NT5C3A: variants seen among roughly 807,000 people sequenced by gnomAD.
NT5C3A encodes the protein 5'-nucleotidase, cytosolic IIIA, also known as cytosolic 5'-nucleotidase 3A.
In NT5C3A, 23 loss-of-function variants were observed where a neutral mutation model predicts 40.0. The observed-to-expected ratio is 0.58, with a 90% CI of 0.41 to 0.81. The LOEUF is 0.81. Ranked by LOEUF, NT5C3A falls within the 40% of genes least tolerant of loss-of-function variation. The pLI, the probability that NT5C3A is intolerant of heterozygous loss-of-function variation, is 0.00. For synonymous variants in NT5C3A, 130 were observed against 141.4 expected, an observed-to-expected ratio of 0.92 and a Z score of 0.57; for missense variants, 328 against 403.0, an observed-to-expected ratio of 0.81 and a Z score of 1.59.
At chr7:33,038,767 TAAACC>T (rs1786741979) in intron 1 of NT5C3A, 2 of 437,506 alleles carry the variant, frequency 4.6e-6, no homozygotes, top group Non-Finnish European at 9.1e-6. Context: ...AGAGTATTTT[TAAACC>T]AATAGGCTTG....
intron 1 of NT5C3A, among the ~76,000 whole-genome samples, chr7:33,061,494 T>C (rs556720435): frequency 6.6e-6 from 1 of 152,226 alleles, no homozygotes; most frequent in African/African-American, 2.4e-5. Context: ...ACTCCAGTGA[T>C]CTTCCTCTCA....
intron 5 of NT5C3A, 89 bp downstream of exon 5, chr7:33,021,183 A>G (rs1562587561): frequency 6.4e-7 from 1 of 1,554,884 alleles, no homozygotes; most frequent in Non-Finnish European, 8.8e-7. Context: ...GTTTGTTTGC[A>G]ATACAGGTAA....
intron 6 of NT5C3A, among the ~76,000 whole-genome samples, chr7:33,019,022 C>T (rs1785489246): frequency 6.6e-6 from 1 of 152,096 alleles, no homozygotes; most frequent in Non-Finnish European, 1.5e-5. Flanking sequence ...ATAATCCCAG[C>T]ACTTTGGGAT....
chr7:33,046,634 A>G (rs1048008620), intron 1 of NT5C3A, among the ~76,000 whole-genome samples: 3 of 152,192 alleles, frequency 2.0e-5, no homozygotes, highest in Admixed American at 1.3e-4. Context: ...TTCTTACTTA[A>G]AAAGCATTAA....
chr7:33,060,526 C>T (rs926353292), intron 1 of NT5C3A, among the ~76,000 whole-genome samples: 2 of 152,136 alleles, frequency 1.3e-5, no homozygotes, highest in Non-Finnish European at 2.9e-5. Flanking sequence ...CTGTAGCATA[C>T]ACAACCCACT....
rs754132712 is a variant in NT5C3A, at chr7:33,046,688, T to C, written c.138+15880A>G. On this transcript the variant is annotated intron_variant, in intron 1 of 8. Coordinates refer to ENST00000610140, the MANE Select transcript of NT5C3A (RefSeq NM_001002010.5). ...AGCAGAAATGACACTGATGTTACAA[T>C]AGGTAGGTCAGGTTCAAGAAAATAG... Among the ~76,000 whole-genome samples, 226 of 152,256 alleles carry C rather than the reference T, an allele frequency of 1.5e-3. 2 individuals carry two copies. The highest frequency in any genetic ancestry group is 2.5e-4 in the Non-Finnish European group (17 of 68,006).
At chr7:33,046,865 G>A (rs1310617953) in intron 1 of NT5C3A, among the ~76,000 whole-genome samples, 2 of 150,782 alleles carry the variant, frequency 1.3e-5, no homozygotes, top group African/African-American at 4.9e-5. Flanking sequence ...GTGCAGTGGT[G>A]CAATCTTGGC....
intron 1 of NT5C3A, among the ~76,000 whole-genome samples, chr7:33,057,726 C>T (rs1470847044): frequency 6.6e-6 from 1 of 152,076 alleles, no homozygotes; most frequent in Non-Finnish European, 1.5e-5. Flanking sequence ...CCCTATCCCC[C>T]ACATCAGCTA....
chr7:33,046,475 G>A (rs559673047), intron 1 of NT5C3A, among the ~76,000 whole-genome samples: 4 of 152,074 alleles, frequency 2.6e-5, no homozygotes, highest in South Asian at 4.2e-4. Flanking sequence ...GAAGGTAGAG[G>A]CTGCAGTACA....
intron 1 of NT5C3A, among the ~76,000 whole-genome samples, chr7:33,028,994 G>GA (rs1276293305): frequency 2.0e-3 from 291 of 146,098 alleles, no homozygotes; most frequent in Admixed American, 5.3e-3. Flanking sequence ...GGCAGAGCTT[G>GA]AAAAAAAAAA....
chr7:33,035,521 C>T (rs1025936976), intron 1 of NT5C3A, among the ~76,000 whole-genome samples: 1 of 152,150 alleles, frequency 6.6e-6, no homozygotes, highest in Non-Finnish European at 1.5e-5. Context: ...ACTCCAAAGC[C>T]TGTACATTTC....
At chr7:33,037,842 C>T (rs1249279712) in intron 1 of NT5C3A, among the ~76,000 whole-genome samples, 6 of 152,040 alleles carry the variant, frequency 3.9e-5, no homozygotes, top group African/African-American at 9.7e-5. Context: ...TACACACATA[C>T]ACTATATAAC....
At chr7:33,037,462 A>G (rs572076020) in intron 1 of NT5C3A, among the ~76,000 whole-genome samples, 43 of 152,350 alleles carry the variant, frequency 2.8e-4, no homozygotes, top group African/African-American at 9.6e-4. Flanking sequence ...GAAAGCGAGA[A>G]CATATCTGAC....
intron 1 of NT5C3A, among the ~76,000 whole-genome samples, chr7:33,044,386 TA>T (rs1011060880): frequency 4.2e-5 from 3 of 71,784 alleles, no homozygotes; most frequent in African/African-American, 6.3e-5. Flanking sequence ...CTAGGGCACT[TA>T]AAAAAATTTT....
Position 33,021,313 on chromosome 7 carries a change from A to G in NT5C3A, c.399T>C (p.Pro133=), listed in dbSNP as rs1348740973. 1 of 1,612,302 alleles carries G rather than the reference A, an allele frequency of 6.2e-7. No homozygotes were observed. The highest frequency in any genetic ancestry group is 8.5e-7 in the Non-Finnish European group (1 of 1,178,824). ...KEKYYAIEVD[P]VLTVEEKYPY... ...GGTACTTCTCTTCTACAGTAAGAAC[A>G]GGATCAACTTCAATAGCGTAATATT... The change falls in exon 5 of 9, where the codon CCT becomes CCC. Residue 133 remains proline, a synonymous_variant. Transcript: ENST00000610140.
At chr7:33,025,071 G>A (rs548785779) in intron 2 of NT5C3A, among the ~76,000 whole-genome samples, 50 of 152,186 alleles carry the variant, frequency 3.3e-4, no homozygotes, top group African/African-American at 9.9e-4. Context: ...CCTGGGAGGC[G>A]CAGGTTGCAG....
At chr7:33,020,687 C>T (rs529751744) in intron 5 of NT5C3A, among the ~76,000 whole-genome samples, 42 of 152,202 alleles carry the variant, frequency 2.8e-4, no homozygotes, top group African/African-American at 9.4e-4. Context: ...ATTTTCTATT[C>T]CTTGAAATGT....
chr7:33,026,139 C>T (rs1224249144), intron 2 of NT5C3A, among the ~76,000 whole-genome samples: 2 of 151,846 alleles, frequency 1.3e-5, no homozygotes, highest in South Asian at 4.2e-4. Flanking sequence ...GAGCTGAGAT[C>T]GTGCCACTGC....
At chr7:33,028,695 G>A (rs1213537142) in intron 1 of NT5C3A, among the ~76,000 whole-genome samples, 1 of 152,026 alleles carries the variant, frequency 6.6e-6, no homozygotes, top group Non-Finnish European at 1.5e-5. Context: ...CTACATAATG[G>A]GCAAGAGTAG....
Sources: gnomAD v4.1 joint callset for allele counts (sites outside exome capture counted in the v4.1 genomes callset) on GRCh38, gnomAD v4.1.1 for gene constraint, MANE v1.5 for transcripts, NCBI Gene and HGNC (gene_info 2026-07-23, HGNC 2026-07-21) for gene names.